ZNF91: variants seen among roughly 807,000 people sequenced by gnomAD.
ZNF91 encodes zinc finger protein 91.
A neutral mutation model predicts 12.6 loss-of-function variants in ZNF91; 7 were observed. That is an observed-to-expected ratio of 0.55 (90% CI 0.31 to 1.04). The LOEUF (loss-of-function observed/expected upper bound fraction) is 1.04, where lower values mean the gene tolerates loss of function less well. Among genes scored for constraint, ZNF91 ranks in the 50% least tolerant of loss-of-function variants. The pLI is 0.05. For synonymous variants in ZNF91, 453 were observed against 462.6 expected, an observed-to-expected ratio of 0.98 and a Z score of 0.27; for missense variants, 1,217 against 1,385.4, an observed-to-expected ratio of 0.88 and a Z score of 1.93.
At chr19:23,329,211 G>A (rs765737957) in intron 1 of ZNF91, 3 of 152,188 alleles carry the variant, frequency 2.0e-5, no homozygotes, top group Admixed American at 6.5e-5. Context: ...CAGATGAGAT[G>A]TACACCTAAA....
At position 23,359,796 on chromosome 19, in the gene ZNF91, T is replaced by C. The variant is rs1385566985; in HGVS notation, c.3183A>G (p.Ser1061=). The change falls in exon 4 of 4, where the codon TCA becomes TCG. Residue 1061 remains serine (S), a synonymous_variant. Coordinates refer to ENST00000300619, the MANE Select transcript of ZNF91 (RefSeq NM_003430.4). Reference sequence around the variant, plus strand: ...TCTTATGTCCATTTAGGGTTGAGGATGATATAAATGCTTTGCCACATTCTT... The same window carrying C: ...TCTTATGTCCATTTAGGGTTGAGGACGATATAAATGCTTTGCCACATTCTT... ...KCEECGKAFI[S]SSTLNGHKRI... 1.9e-6 allele frequency: 3 copies of C among 1,613,670 alleles called. No individual in the cohort carries two copies. The Admixed American group carries it at 5.0e-5, about 27-fold the overall frequency.
intron 3 of ZNF91, among the ~76,000 whole-genome samples, chr19:23,346,547 C>A (rs1408517686): frequency 1.3e-5 from 2 of 152,134 alleles, no homozygotes; most frequent in Admixed American, 1.3e-4. Flanking sequence ...TTAACTGACG[C>A]CATGAGAAAG....
At position 23,351,658 on chromosome 19, in the gene ZNF91, C is replaced by T. The variant is rs143865896; in HGVS notation, c.254-12604G>A. Among the ~76,000 whole-genome samples, 183 of 152,298 alleles carry T rather than the reference C, an allele frequency of 1.2e-3. No homozygotes were observed. In the East Asian group the frequency reaches 0.022, roughly 18 times the overall value. ...AAGAATCAACCATTTTTTCTCTCTTCTCTAATTCTTTCTCAGGTGAGATTA... is the reference window on the plus strand; with the variant it reads ...AAGAATCAACCATTTTTTCTCTCTTTTCTAATTCTTTCTCAGGTGAGATTA... On this transcript the variant is annotated intron_variant, in intron 3 of 3. Coordinates refer to the ZNF91 transcript ENST00000599743.
intron 3 of ZNF91, among the ~76,000 whole-genome samples, chr19:23,348,973 G>C (rs898514623): frequency 5.3e-5 from 8 of 152,082 alleles, no homozygotes; most frequent in African/African-American, 1.9e-4. Flanking sequence ...ATACACCCTG[G>C]TCTCCTGCAG....
intron 3 of ZNF91, among the ~76,000 whole-genome samples, chr19:23,371,582 T>C (rs1006110402): frequency 6.6e-6 from 1 of 151,946 alleles, no homozygotes; most frequent in Non-Finnish European, 1.5e-5. Flanking sequence ...AAACTCATAT[T>C]AAGGAACTTA....
At chr19:23,322,322 C>T (rs1967713586) in intron 1 of ZNF91, among the ~76,000 whole-genome samples, 1 of 152,098 alleles carries the variant, frequency 6.6e-6, no homozygotes, top group African/African-American at 2.4e-5. Context: ...TATGGCTCTC[C>T]TCTACTGTTT....
upstream of ZNF91, among the ~76,000 whole-genome samples, chr19:23,314,290 CA>C (rs1967516260): frequency 6.6e-6 from 1 of 152,148 alleles, no homozygotes; most frequent in Non-Finnish European, 1.5e-5. Context: ...TATTTGCCAA[CA>C]GGTGACATTG....
At chr19:23,345,460 C>T (rs1206489282) in intron 3 of ZNF91, among the ~76,000 whole-genome samples, 1 of 152,170 alleles carries the variant, frequency 6.6e-6, no homozygotes, top group Non-Finnish European at 1.5e-5. Flanking sequence ...TCAATTATTG[C>T]TGATGACTGG....
At chr19:23,376,104 T>C (rs1309757370) in intron 1 of ZNF91, among the ~76,000 whole-genome samples, 3 of 152,218 alleles carry the variant, frequency 2.0e-5, no homozygotes, top group Admixed American at 6.5e-5. Context: ...CCTGTTTAAA[T>C]GAGCACTTTC....
At chr19:23,364,624 C>A in intron 3 of ZNF91, among the ~76,000 whole-genome samples, 1 of 150,218 alleles carries the variant, frequency 6.7e-6, no homozygotes, top group Non-Finnish European at 1.5e-5. Context: ...ACTAAAAGTA[C>A]AGAGTTATGA....
intron 1 of ZNF91, among the ~76,000 whole-genome samples, chr19:23,376,110 C>T (rs1969496327): frequency 6.6e-6 from 1 of 152,166 alleles, no homozygotes; most frequent in African/African-American, 2.4e-5. Context: ...TAAATGAGCA[C>T]TTTCTTAATC....
chr19:23,360,183 G>T lies in ZNF91; in HGVS notation c.2796C>A (p.His932Gln). 6.2e-7 allele frequency: 1 copy of T among 1,610,978 alleles called. No homozygotes were observed. The highest frequency in any genetic ancestry group is 8.5e-7 in the Non-Finnish European group (1 of 1,179,308). Residue 932 changes from histidine to glutamine, a missense_variant, in exon 4 of 4, where the codon CAC becomes CAA. His to Gln is a conservative substitution (Grantham distance 24, BLOSUM62 0). Around this residue, in one of 2 missense-constraint regions of ZNF91, gnomAD observed 491 missense variants for 489.8 expected, o/e 1.00. Transcript: ENST00000300619. ...CACATTTGTAGGGTTTCTCTCCAGT[G>T]TGCATCCTCTTATGTGTAGTAAGGT... ...PSHLTTHKRM[H>Q]TGEKPYKCEE...
chr19:23,359,075 C>A lies in ZNF91; in HGVS notation c.*328G>T. ...TGAATTTTCTTATGTCTGGTTAGGGCTGAGGACCAGAAAAAGGATTTGCCA... is the reference window on the plus strand; with the variant it reads ...TGAATTTTCTTATGTCTGGTTAGGGATGAGGACCAGAAAAAGGATTTGCCA... On this transcript the variant is annotated 3_prime_UTR_variant, in exon 4 of 4. Coordinates refer to ENST00000300619, the MANE Select transcript of ZNF91 (RefSeq NM_003430.4). 4 of 555,608 alleles carry A rather than the reference C, an allele frequency of 7.2e-6. No individual in the cohort carries two copies. The highest frequency in any genetic ancestry group is 6.1e-5 in the South Asian group (4 of 65,980). 34.4% of individuals were successfully genotyped at this position (555,608 alleles called of 1,614,324 possible). A position where few individuals can be genotyped will look rare whatever the true frequency, so the allele number is the denominator to read the frequency against.
At chr19:23,349,014 C>T (rs987285735) in intron 3 of ZNF91, among the ~76,000 whole-genome samples, 9 of 152,104 alleles carry the variant, frequency 5.9e-5, no homozygotes, top group Non-Finnish European at 1.3e-4. Context: ...TTGGGAAATT[C>T]CAGCCTAGTG....
At position 23,359,051 on chromosome 19, in the gene ZNF91, G is replaced by T; in HGVS notation, c.*352C>A. 1.8e-6 allele frequency: 1 copy of T among 541,888 alleles called. No homozygotes were observed. The highest frequency in any genetic ancestry group is 1.5e-5 in the South Asian group (1 of 65,952). 33.6% of individuals were successfully genotyped at this position (541,888 alleles called of 1,614,324 possible). A position where few individuals can be genotyped will look rare whatever the true frequency, so the allele number is the denominator to read the frequency against. Reference sequence around the variant, plus strand: ...TGTTTGTAGGGTTGCTGTCCAGTATGAATTTTCTTATGTCTGGTTAGGGCT... The same window carrying T: ...TGTTTGTAGGGTTGCTGTCCAGTATTAATTTTCTTATGTCTGGTTAGGGCT... On this transcript the variant is annotated 3_prime_UTR_variant, in exon 4 of 4. Transcript: ENST00000300619.
In ZNF91 at chr19:23,358,252, TA is replaced by T. The variant is rs1968547895; in HGVS notation, c.*1150del. On this transcript the variant is annotated 3_prime_UTR_variant, in exon 4 of 4. Transcript: ENST00000300619. ...TTAAAAATATGCTACATATATTTCA[TA>T]AAAATACAATAAATCATACTAAACT... 1 of 152,196 alleles carries T rather than the reference TA, an allele frequency of 6.6e-6. No homozygotes were observed. Among genetic ancestry groups the T allele is most frequent in the Non-Finnish European group, 1.5e-5 (1 of 68,016 alleles). The allele number at this position is 152,196 out of a possible 1,614,324, so 9.4% of individuals were successfully genotyped here. A position where few individuals can be genotyped will look rare whatever the true frequency, so the allele number is the denominator to read the frequency against.
At chr19:23,350,530 G>A (rs1290932634) in intron 3 of ZNF91, among the ~76,000 whole-genome samples, 3 of 152,136 alleles carry the variant, frequency 2.0e-5, no homozygotes, top group Non-Finnish European at 4.4e-5. Context: ...TTTTGCGAAG[G>A]TGCCCATGCC....
In ZNF91 at chr19:23,358,902, A is replaced by T; in HGVS notation, c.*501T>A. ...CAGTATGAATAATATTATGTCTGTT[A>T]AGAATTCAGGACTTTTTATAGACTT... On this transcript the variant is annotated 3_prime_UTR_variant, in exon 4 of 4. Transcript: ENST00000300619. 1 of 217,922 alleles carries T rather than the reference A, an allele frequency of 4.6e-6. No homozygotes were observed. The highest frequency in any genetic ancestry group is 8.2e-5 in the South Asian group (1 of 12,238). The allele number at this position is 217,922 out of a possible 1,614,324, so 13.5% of individuals were successfully genotyped here. A position where few individuals can be genotyped will look rare whatever the true frequency, so the allele number is the denominator to read the frequency against.
chr19:23,389,538 G>A (rs1177159026), intron 1 of ZNF91, among the ~76,000 whole-genome samples: 1 of 152,146 alleles, frequency 6.6e-6, no homozygotes, highest in Non-Finnish European at 1.5e-5. Context: ...TTGTGGTGGT[G>A]GCTGTGGCAA....
Sources: allele counts gnomAD v4.1 joint callset (sites outside exome capture counted in the v4.1 genomes callset), GRCh38; gene constraint gnomAD v4.1.1; regional missense constraint gnomAD v4.1.1; transcripts MANE v1.5; gene names NCBI Gene and HGNC (gene_info 2026-07-23, HGNC 2026-07-21).